CCDC171: variants seen among roughly 807,000 people sequenced by gnomAD.
CCDC171 encodes the protein coiled-coil domain-containing protein 171.
CCDC171 carries 177 observed loss-of-function variants against 168.2 expected under a neutral mutation model. That is an observed-to-expected ratio of 1.05 (90% CI 0.93 to 1.19). The LOEUF (loss-of-function observed/expected upper bound fraction) is 1.19. Ranked by LOEUF, CCDC171 falls within the 50% of genes most tolerant of loss-of-function variation. The pLI, the probability that CCDC171 is intolerant of heterozygous loss-of-function variation, is 0.00. For missense variants in CCDC171, 1,991 were observed against 1,539.0 expected (o/e 1.29, Z -4.91); for synonymous variants, 687 against 540.8 (o/e 1.27, Z -3.75).
intron 23 of CCDC171, among the ~76,000 whole-genome samples, chr9:15,855,649 G>A (rs1441344673): frequency 6.6e-6 from 1 of 151,774 alleles, no homozygotes; most frequent in African/African-American, 2.4e-5. Flanking sequence ...GCATTAGATA[G>A]ATCTTTGGTA....
intron 18 of CCDC171, among the ~76,000 whole-genome samples, chr9:15,771,253 A>G (rs1208857945): frequency 6.6e-6 from 1 of 152,156 alleles, no homozygotes; most frequent in Non-Finnish European, 1.5e-5. Context: ...ATGGGATTGT[A>G]TATTTTACAT....
intron 4 of CCDC171, chr9:15,587,593 G>T (rs771546121): frequency 2.2e-6 from 1 of 456,150 alleles, no homozygotes; most frequent in Non-Finnish European, 4.4e-6. Context: ...AGAACCTAAT[G>T]ATACTGATGT....
intron 6 of CCDC171, among the ~76,000 whole-genome samples, chr9:15,614,404 G>A (rs1294248991): frequency 2.6e-5 from 4 of 152,152 alleles, no homozygotes; most frequent in East Asian, 1.9e-4. Context: ...GATGAGAATA[G>A]TACAAGTTAA....
At chr9:15,717,970 G>A (rs914937409) in intron 11 of CCDC171, among the ~76,000 whole-genome samples, 3 of 152,196 alleles carry the variant, frequency 2.0e-5, no homozygotes, top group African/African-American at 7.2e-5. Flanking sequence ...AGAATAAAGG[G>A]GACTTTGTCT....
intron 21 of CCDC171, among the ~76,000 whole-genome samples, chr9:15,826,792 C>A (rs544907425): frequency 5.9e-5 from 9 of 152,168 alleles, no homozygotes; most frequent in African/African-American, 2.2e-4. Flanking sequence ...CCCTGCTGTG[C>A]CATGCTCTAT....
chr9:16,021,696 G>A (rs576683141), intron 4 of CCDC171, among the ~76,000 whole-genome samples: 52 of 152,356 alleles, frequency 3.4e-4, no homozygotes, highest in African/African-American at 1.2e-3. Flanking sequence ...TGACCCCAGA[G>A]TGGGTATTCA....
intron 11 of CCDC171, among the ~76,000 whole-genome samples, chr9:15,714,924 C>G (rs929495968): frequency 6.6e-6 from 1 of 152,182 alleles, no homozygotes; most frequent in Non-Finnish European, 1.5e-5. Context: ...CTCTGTAGGT[C>G]AAACCATTTT....
chr9:15,872,980 GTGTT>G (rs1817376573), intron 23 of CCDC171, among the ~76,000 whole-genome samples: 1 of 152,064 alleles, frequency 6.6e-6, no homozygotes, highest in African/African-American at 2.4e-5. Flanking sequence ...ACTCTGGAGA[GTGTT>G]TGTTGCAGAT....
chr9:15,826,900 T>C (rs7032634), intron 21 of CCDC171, among the ~76,000 whole-genome samples: 67,374 of 152,144 alleles, frequency 0.44, 15,128 homozygotes, highest in African/African-American at 0.47. Flanking sequence ...ACATGACATA[T>C]TGTTCTAAAT....
intron 24 of CCDC171, among the ~76,000 whole-genome samples, chr9:15,907,836 TG>T (rs1245894494): frequency 2.0e-5 from 3 of 152,096 alleles, no homozygotes; most frequent in African/African-American, 7.2e-5. Context: ...CATCAAAAAG[TG>T]GGCAAAGGAT....
At position 15,784,543 on chromosome 9, in the gene CCDC171, G is replaced by A. The variant is rs2057837191; in HGVS notation, c.3116G>A (p.Cys1039Tyr). 1 of 1,613,164 alleles carries A rather than the reference G, an allele frequency of 6.2e-7. No individual in the cohort carries two copies. The stretch of plus-strand genomic sequence containing the variant: ...ACCCATGAGAAGTTTGAAAGTGCAT[G>A]TGAAGAACTAAATAATGCATTACTT... ...LITHEKFESA[C>Y]EELNNALLRE... Residue 1039 changes from cysteine (C) to tyrosine (Y), a missense_variant, in exon 21 of 26, where the codon TGT (cysteine) becomes TAT (tyrosine). Cys to Tyr is a radical substitution (Grantham distance 194). Coordinates refer to ENST00000380701, the MANE Select transcript of CCDC171 (RefSeq NM_173550.4).
chr9:15,952,340 T>C (rs1829290120), intron 25 of CCDC171, among the ~76,000 whole-genome samples: 1 of 152,190 alleles, frequency 6.6e-6, no homozygotes, highest in East Asian at 1.9e-4. Context: ...TCTCCTTTTT[T>C]CAATCTTGTT....
Position 15,571,775 on chromosome 9 carries a change from C to A in CCDC171, c.177+16C>A. The stretch of plus-strand genomic sequence containing the variant: ...CAATGCAGAGGTACGATTTATTTTC[C>A]TCTCAAATAATGTTAAAAGTTGAGT... On this transcript the variant is annotated intron_variant, in intron 3 of 25. Transcript: ENST00000380701. 6.4e-7 allele frequency: 1 copy of A among 1,559,028 alleles called. No homozygotes were observed. Among genetic ancestry groups the A allele is most frequent in the Non-Finnish European group, 8.6e-7 (1 of 1,162,980 alleles).
At chr9:15,561,288 C>T (rs947306903) in intron 1 of CCDC171, among the ~76,000 whole-genome samples, 2 of 152,104 alleles carry the variant, frequency 1.3e-5, no homozygotes, top group African/African-American at 4.8e-5. Flanking sequence ...ATGATGACAG[C>T]AGGGAATGAC....
chr9:15,976,529 TA>T (rs1219508210), downstream of CCDC171, among the ~76,000 whole-genome samples: 1 of 152,106 alleles, frequency 6.6e-6, no homozygotes, highest in Non-Finnish European at 1.5e-5. Flanking sequence ...AGATCTACTT[TA>T]AATGATTGTT....
chr9:15,845,455 G>A (rs1007475242), intron 21 of CCDC171, among the ~76,000 whole-genome samples: 44 of 151,962 alleles, frequency 2.9e-4, no homozygotes, highest in African/African-American at 9.9e-4. Context: ...AAAATACCTG[G>A]TTTGACTGAT....
At chr9:15,962,929 A>G (rs1830484193) in intron 25 of CCDC171, among the ~76,000 whole-genome samples, 1 of 151,750 alleles carries the variant, frequency 6.6e-6, no homozygotes, top group African/African-American at 2.4e-5. Flanking sequence ...ACATAAACAC[A>G]TGTATACATT....
intron 6 of CCDC171, among the ~76,000 whole-genome samples, chr9:16,029,867 C>G (rs965855520): frequency 1.3e-5 from 2 of 152,154 alleles, no homozygotes; most frequent in Non-Finnish European, 2.9e-5. Context: ...GGGACTAAGT[C>G]ATAGTTTGGG....
At chr9:15,599,171 G>A (rs2042629361) in intron 6 of CCDC171, among the ~76,000 whole-genome samples, 1 of 152,170 alleles carries the variant, frequency 6.6e-6, no homozygotes, top group South Asian at 2.1e-4. Flanking sequence ...GTTGTTATGT[G>A]TGAATTTGAT....
Sources: gnomAD v4.1 joint callset for allele counts (sites outside exome capture counted in the v4.1 genomes callset) on GRCh38, gnomAD v4.1.1 for gene constraint, MANE v1.5 for transcripts, NCBI Gene and HGNC (gene_info 2026-07-23, HGNC 2026-07-21) for gene names.